CPS1: variants seen among roughly 807,000 people sequenced by gnomAD.
CPS1 encodes carbamoyl-phosphate synthase [ammonia], mitochondrial.
In CPS1, 109 loss-of-function variants were observed where a neutral mutation model predicts 174.6. The observed-to-expected ratio is 0.62, with a 90% CI of 0.53 to 0.73. CPS1 has a LOEUF of 0.73. Ranked by LOEUF, CPS1 falls within the 30% of genes least tolerant of loss-of-function variation. The probability of loss-of-function intolerance (pLI) is 0.00; values close to 1 mark genes in which losing one functional copy is unlikely to be tolerated. For synonymous variants in CPS1, 637 were observed against 632.0 expected (o/e 1.01, Z -0.12); for missense variants, 1,689 against 1,821.9 (o/e 0.93, Z 1.33).
intron 1 of CPS1, among the ~76,000 whole-genome samples, chr2:210,565,948 G>A (rs1395593958): frequency 6.6e-6 from 1 of 152,170 alleles, no homozygotes; most frequent in Non-Finnish European, 1.5e-5. Flanking sequence ...GAAGCTTCAG[G>A]AAGTAGAACT....
intron 2 of CPS1, among the ~76,000 whole-genome samples, chr2:210,574,281 A>G (rs1697613155): frequency 1.3e-5 from 2 of 152,058 alleles, no homozygotes; most frequent in South Asian, 2.1e-4. Context: ...GGGGTTTCCA[A>G]TACAGATTCA....
upstream of CPS1, among the ~76,000 whole-genome samples, chr2:210,554,047 A>G (rs1392979116): frequency 6.7e-6 from 1 of 149,834 alleles, no homozygotes; most frequent in Admixed American, 6.7e-5. Context: ...ATGACTAAAG[A>G]CATGGACCAT....
chr2:210,540,147 A>G (rs1206369047), intron 1 of CPS1, among the ~76,000 whole-genome samples: 7 of 152,218 alleles, frequency 4.6e-5, no homozygotes, highest in Admixed American at 6.5e-5. Context: ...TAAGAATTTA[A>G]CGAACTCCCC....
At chr2:210,585,869 G>C (rs550288532) in intron 6 of CPS1, among the ~76,000 whole-genome samples, 1 of 151,702 alleles carries the variant, frequency 6.6e-6, no homozygotes, top group East Asian at 2.0e-4. Flanking sequence ...TATCCTACCC[G>C]CTCCTGTGAC....
Position 210,639,409 on chromosome 2 carries a change from G to A in CPS1, c.2895+194G>A, listed in dbSNP as rs6704874. On this transcript the variant is annotated intron_variant, in intron 23 of 37. Transcript: ENST00000233072. ...GGGTGGATCATGAGGTCAGGAGATC[G>A]AGACCATCCTGGCTAACAAGGTGAA... is the stretch of plus-strand genomic sequence containing the variant. Among the ~76,000 whole-genome samples the A allele has an allele frequency of 1.4e-3, 211 of 151,426 alleles. 1 individual carries two copies. The highest frequency in any genetic ancestry group is 5.0e-3 in the African/African-American group (207 of 41,308).
rs66825517 is a variant in CPS1, at chr2:210,491,307, GTTTTTTTTTTTT to G, written c.3+13561_3+13572del. Among the ~76,000 whole-genome samples, 295 of 50,352 alleles carry G rather than the reference GTTTTTTTTTTTT, an allele frequency of 5.9e-3. 3 individuals carry two copies. The highest frequency in any genetic ancestry group is 0.027 in the African/African-American group (266 of 9,984). The allele number at this position is 50,352 out of a possible 152,430, so 33.0% of individuals were successfully genotyped here. A position where few individuals can be genotyped will look rare whatever the true frequency, so the allele number is the denominator to read the frequency against. On this transcript the variant is annotated intron_variant, in intron 1 of 38. Transcript: ENST00000430249. The stretch of plus-strand genomic sequence containing the variant: ...GTAAAAGCATGTATTTGGTATCTGT[GTTTTTTTTTTTT>G]TTTTTTTTTTTTTTTTTTTGAGACG...
rs1242900445 is a variant in CPS1, at chr2:210,556,848, C to A, written c.115C>A (p.Leu39Ile). ...ATTTTCAAGACCTGGCATCAGGCTC[C>A]TTTCTGTCAAGGTAATACCCATATT... The part of the protein sequence containing the change: ...WKFSRPGIRL[L>I]SVKAQTAHIV... Residue 39 changes from leucine to isoleucine, a missense_variant, in exon 1 of 38, where the codon CTT becomes ATT. By Grantham distance (5) the Leu-to-Ile change is conservative. Coordinates refer to ENST00000233072, the MANE Select transcript of CPS1 (RefSeq NM_001875.5). The A allele has an allele frequency of 1.2e-6, 2 of 1,612,802 alleles. No individual in the cohort carries two copies. Among genetic ancestry groups the A allele is most frequent in the Non-Finnish European group, 1.7e-6 (2 of 1,179,228 alleles).
intron 25 of CPS1, among the ~76,000 whole-genome samples, chr2:210,645,265 G>T (rs1409899591): frequency 1.3e-5 from 2 of 151,894 alleles, no homozygotes; most frequent in African/African-American, 4.8e-5. Flanking sequence ...CCCATTGATG[G>T]TCTCTGATTC....
intron 21 of CPS1, among the ~76,000 whole-genome samples, chr2:210,634,647 C>G (rs1190314173): frequency 2.0e-5 from 3 of 152,260 alleles, no homozygotes; most frequent in East Asian, 3.9e-4. Context: ...TCCCACAGCA[C>G]CTCTCATGAT....
intron 1 of CPS1, among the ~76,000 whole-genome samples, chr2:210,492,152 A>G (rs140245912): frequency 0.014 from 2,071 of 152,394 alleles, 24 homozygotes; most frequent in Non-Finnish European, 0.021. Context: ...TGTTATCATT[A>G]TATAACATTC....
intron 1 of CPS1, among the ~76,000 whole-genome samples, chr2:210,497,893 C>CACATATATATATATATAT (rs1553718833): frequency 1.2e-5 from 1 of 86,940 alleles, no homozygotes; most frequent in Non-Finnish European, 2.3e-5. Context: ...TATATACATA[C>CACATATATATATATATAT]ATATATATAT....
chr2:210,630,684 C>T (rs1009815439), intron 21 of CPS1, among the ~76,000 whole-genome samples: 2 of 152,164 alleles, frequency 1.3e-5, no homozygotes, highest in Non-Finnish European at 2.9e-5. Flanking sequence ...AATAGTAGTG[C>T]CTACCCAATT....
chr2:210,624,721 A>C (rs1037646859), intron 21 of CPS1, among the ~76,000 whole-genome samples: 1 of 152,024 alleles, frequency 6.6e-6, no homozygotes, highest in African/African-American at 2.4e-5. Context: ...TAGTGTTTTC[A>C]TAGTTTTGGC....
intron 18 of CPS1, 122 bp downstream of exon 18, chr2:210,607,063 T>C (rs1244510614): frequency 9.4e-6 from 8 of 853,532 alleles, no homozygotes; most frequent in Non-Finnish European, 1.5e-5. Context: ...GTATGTTAGC[T>C]CCAAATCATT....
intron 1 of CPS1, among the ~76,000 whole-genome samples, chr2:210,549,352 AT>A (rs748922798): frequency 2.6e-5 from 4 of 151,390 alleles, no homozygotes; most frequent in African/African-American, 7.3e-5. Flanking sequence ...ACTGATGATG[AT>A]TTTTTTTTAC....
chr2:210,656,694 T>G (rs1274029417), intron 30 of CPS1, 62 bp downstream of exon 30: 1 of 403,768 alleles, frequency 2.5e-6, no homozygotes, highest in South Asian at 3.5e-5. Flanking sequence ...ACACCTAAGG[T>G]TTTTTTTTTT....
intron 31 of CPS1, among the ~76,000 whole-genome samples, chr2:210,659,771 G>A (rs991612978): frequency 1.3e-5 from 2 of 152,196 alleles, no homozygotes; most frequent in African/African-American, 4.8e-5. Flanking sequence ...TAGAGGGGAT[G>A]TACAAATAAA....
chr2:210,508,491 A>G (rs1261900499), intron 1 of CPS1, among the ~76,000 whole-genome samples: 2 of 152,140 alleles, frequency 1.3e-5, no homozygotes, highest in African/African-American at 2.4e-5. Flanking sequence ...GAGCAAACAC[A>G]TTTAAAAGCT....
At chr2:210,492,559 G>T (rs1004822898) in intron 1 of CPS1, among the ~76,000 whole-genome samples, 1 of 151,576 alleles carries the variant, frequency 6.6e-6, no homozygotes, top group African/African-American at 2.4e-5. Context: ...GAATTTAGAA[G>T]ATACTTTTTT....
Sources: allele counts gnomAD v4.1 joint callset (sites outside exome capture counted in the v4.1 genomes callset), GRCh38; gene constraint gnomAD v4.1.1; transcripts MANE v1.5; gene names NCBI Gene and HGNC (gene_info 2026-07-23, HGNC 2026-07-21).